SLC17A1: variants seen among roughly 807,000 people sequenced by gnomAD.
SLC17A1 encodes the protein sodium-dependent phosphate transport protein 1.
In SLC17A1, 51 loss-of-function variants were observed where a neutral mutation model predicts 53.5. The ratio of observed to expected loss-of-function variants is 0.95; its 90% confidence interval spans 0.76 to 1.20. SLC17A1 has a LOEUF of 1.20. Ranked by LOEUF, SLC17A1 falls within the 50% of genes most tolerant of loss-of-function variation. The pLI is 0.00. For synonymous variants in SLC17A1, 179 were observed against 198.8 expected, an observed-to-expected ratio of 0.90 and a Z score of 0.84; for missense variants, 538 against 568.2, an observed-to-expected ratio of 0.95 and a Z score of 0.54.
At chr6:25,729,919 T>C in the SLC17A1 span, among the ~76,000 whole-genome samples, 1 of 152,210 alleles carries the variant, frequency 6.6e-6, no homozygotes, top group African/African-American at 2.4e-5. Flanking sequence ...TAGCTGATCC[T>C]ATACACAGCT....
At chr6:25,748,816 A>G in the SLC17A1 span, among the ~76,000 whole-genome samples, 1 of 152,276 alleles carries the variant, frequency 6.6e-6, no homozygotes, top group Non-Finnish European at 1.5e-5. Context: ...CACGTAAGCC[A>G]GATTTATGCT....
downstream of SLC17A1, chr6:25,778,118 A>G (rs929953826): frequency 1.3e-6 from 1 of 757,146 alleles, no homozygotes; most frequent in Admixed American, 2.7e-5. Context: ...CTTTTAAAGT[A>G]GTCAAAAATA....
chr6:25,769,161 A>G, the SLC17A1 span: 1 of 1,614,064 alleles, frequency 6.2e-7, no homozygotes, highest in Non-Finnish European at 8.5e-7. Flanking sequence ...GGGCTACTGG[A>G]ATGAAACTCT....
In SLC17A1 at chr6:25,788,775, G is replaced by A. The variant is rs149316507; in HGVS notation, c.*3-5557C>T. 5.5e-3 allele frequency among the ~76,000 whole-genome samples: 835 copies of A among 152,284 alleles called. 4 individuals are homozygous for A. The highest frequency in any genetic ancestry group is 0.01 in the Middle Eastern group (3 of 294). On this transcript the variant is annotated intron_variant, in intron 12 of 12. Transcript: ENST00000244527. Reference sequence around the variant, plus strand: ...AGGGGTGTAGGCCTGGGAAAAGAATGAGAAGGATGTCTGGAAATGGGATGA... The same window carrying A: ...AGGGGTGTAGGCCTGGGAAAAGAATAAGAAGGATGTCTGGAAATGGGATGA...
the SLC17A1 span, among the ~76,000 whole-genome samples, chr6:25,750,593 C>T: frequency 6.6e-6 from 1 of 150,932 alleles, no homozygotes; most frequent in Admixed American, 6.6e-5. Flanking sequence ...AAGGTTATGG[C>T]TTTTCTATTG....
At chr6:25,747,431 G>A in the SLC17A1 span, among the ~76,000 whole-genome samples, 7 of 152,208 alleles carry the variant, frequency 4.6e-5, no homozygotes, top group Admixed American at 3.9e-4. Context: ...TCAACTGTCT[G>A]ATTGGAGAAT....
chr6:25,830,411 G>T, intron 2 of SLC17A1, 113 bp downstream of exon 2: 1 of 797,486 alleles, frequency 1.3e-6, no homozygotes, highest in Non-Finnish European at 2.1e-6. Context: ...CTTCTTTTCT[G>T]AACATTTTTA....
At chr6:25,818,195 G>A (rs1156235173) in intron 6 of SLC17A1, among the ~76,000 whole-genome samples, 1 of 152,136 alleles carries the variant, frequency 6.6e-6, no homozygotes, top group Non-Finnish European at 1.5e-5. Context: ...AGATCAAGGT[G>A]TCTTTTCAAA....
intron 4 of SLC17A1, 22 bp from the exon 5 acceptor site, chr6:25,819,620 A>G: frequency 6.2e-7 from 1 of 1,612,714 alleles, no homozygotes; most frequent in South Asian, 1.1e-5. Flanking sequence ...AAGGTTTGAC[A>G]TTTAATCTCT....
At chr6:25,767,644 T>A in the SLC17A1 span, among the ~76,000 whole-genome samples, 1 of 152,198 alleles carries the variant, frequency 6.6e-6, no homozygotes, top group Non-Finnish European at 1.5e-5. Context: ...AAAGGACATG[T>A]CACACCAACA....
the SLC17A1 span, among the ~76,000 whole-genome samples, chr6:25,753,808 C>T: frequency 1.3e-5 from 2 of 151,786 alleles, no homozygotes; most frequent in Non-Finnish European, 2.9e-5. Flanking sequence ...AAGTTGAAGT[C>T]GAAGCTCAGA....
chr6:25,747,537 C>T, the SLC17A1 span, among the ~76,000 whole-genome samples: 3 of 152,208 alleles, frequency 2.0e-5, no homozygotes, highest in Admixed American at 1.3e-4. Flanking sequence ...AAATATTCTT[C>T]CAAGAAACCT....
chr6:25,726,579 C>CA, the SLC17A1 span: 2 of 1,560,586 alleles, frequency 1.3e-6, no homozygotes, highest in Non-Finnish European at 1.7e-6. Context: ...AGGGCTGCTA[C>CA]TGGGCCTATT....
intron 11 of SLC17A1, among the ~76,000 whole-genome samples, chr6:25,799,336 T>C (rs1037963489): frequency 8.5e-5 from 13 of 152,238 alleles, no homozygotes; most frequent in African/African-American, 2.7e-4. Context: ...GTAACTATTA[T>C]TTTGTTAAGA....
At chr6:25,766,746 C>T in the SLC17A1 span, among the ~76,000 whole-genome samples, 6 of 152,292 alleles carry the variant, frequency 3.9e-5, no homozygotes, top group East Asian at 1.2e-3. Context: ...CCCCACAAAA[C>T]ACCTGACTGG....
At chr6:25,780,293 T>C (rs1248639535), downstream of SLC17A1, 1 of 152,196 alleles carries the variant, frequency 6.6e-6, no homozygotes, top group Non-Finnish European at 1.5e-5. Context: ...CAGATAACTT[T>C]AATCAAAGTA....
At chr6:25,736,337 C>A in the SLC17A1 span, among the ~76,000 whole-genome samples, 1 of 152,120 alleles carries the variant, frequency 6.6e-6, no homozygotes, top group Non-Finnish European at 1.5e-5. Flanking sequence ...ATAAAAACCT[C>A]TCCCCCAAAT....
At chr6:25,798,584 C>A in intron 12 of SLC17A1, 199 bp downstream of exon 12, 2 of 420,202 alleles carry the variant, frequency 4.8e-6, no homozygotes, top group Non-Finnish European at 8.1e-6. Context: ...CCCAGCCTCC[C>A]AAATTTATAT....
At chr6:25,768,903 C>A in the SLC17A1 span, 1 of 1,259,216 alleles carries the variant, frequency 7.9e-7, no homozygotes, top group Non-Finnish European at 1.1e-6. Flanking sequence ...CAGACAGATA[C>A]CAATCTTCTC....
Sources: gnomAD v4.1 joint callset for allele counts (sites outside exome capture counted in the v4.1 genomes callset) on GRCh38, gnomAD v4.1.1 for gene constraint, MANE v1.5 for transcripts, NCBI Gene and HGNC (gene_info 2026-07-23, HGNC 2026-07-21) for gene names.